The following NGEF variants were observed in gnomAD, a reference collection of about 807,000 sequenced individuals.
NGEF encodes the protein neuronal guanine nucleotide exchange factor, also known as ephexin-1.
NGEF carries 31 observed loss-of-function variants against 80.9 expected under a neutral mutation model. The ratio of observed to expected loss-of-function variants is 0.38; its 90% CI spans 0.29 to 0.52. The LOEUF is 0.52. NGEF is among the 20% of genes least tolerant of loss of function. NGEF has a pLI of 0.84. For missense variants in NGEF, 709 were observed against 926.2 expected (o/e 0.77, Z 3.04); for synonymous variants, 371 against 370.2 (o/e 1.00, Z -0.03).
chr2:232,896,104 G>A (rs957354364), intron 5 of NGEF, among the ~76,000 whole-genome samples: 1 of 152,162 alleles, frequency 6.6e-6, no homozygotes, highest in African/African-American at 2.4e-5. Context: ...ACAGCAGAGT[G>A]GGTTGAACTG....
intron 1 of NGEF, among the ~76,000 whole-genome samples, chr2:232,978,374 G>C (rs897052856): frequency 2.0e-5 from 3 of 151,956 alleles, no homozygotes; most frequent in Non-Finnish European, 4.4e-5. Context: ...TATTAGCTGG[G>C]CGTGGTGGTG....
At chr2:232,903,667 C>T (rs1048388742) in intron 5 of NGEF, among the ~76,000 whole-genome samples, 20 of 152,166 alleles carry the variant, frequency 1.3e-4, no homozygotes, top group African/African-American at 3.9e-4. Flanking sequence ...GCCTAGCTGA[C>T]GTTTTAGGTA....
chr2:232,996,132 A>G (rs1003921156), intron 1 of NGEF, among the ~76,000 whole-genome samples: 3 of 152,184 alleles, frequency 2.0e-5, no homozygotes, highest in African/African-American at 7.2e-5. Context: ...GACCAATTCC[A>G]GCCTGGCCAA....
intron 1 of NGEF, among the ~76,000 whole-genome samples, chr2:232,979,806 G>A (rs1694371874): frequency 6.6e-6 from 1 of 151,428 alleles, no homozygotes; most frequent in South Asian, 2.1e-4. Context: ...GTCTGTTTGG[G>A]TCTCTGTTGT....
At chr2:233,007,402 G>A (rs1296200725) in intron 1 of NGEF, among the ~76,000 whole-genome samples, 1 of 152,174 alleles carries the variant, frequency 6.6e-6, no homozygotes, top group African/African-American at 2.4e-5. Context: ...CCAGGTAGCC[G>A]CCAGGTAGCT....
At chr2:232,984,638 G>A (rs533825857) in intron 1 of NGEF, among the ~76,000 whole-genome samples, 4 of 152,266 alleles carry the variant, frequency 2.6e-5, no homozygotes, top group Non-Finnish European at 5.9e-5. Flanking sequence ...TGCATGAACT[G>A]CAGCAAGCGA....
At chr2:232,985,863 T>C (rs1191804796) in intron 1 of NGEF, among the ~76,000 whole-genome samples, 2 of 150,428 alleles carry the variant, frequency 1.3e-5, no homozygotes, top group Non-Finnish European at 3.0e-5. Flanking sequence ...CACTTGAATC[T>C]GGGAAGCAGA....
chr2:232,882,827 C>G (rs986193112), intron 12 of NGEF, among the ~76,000 whole-genome samples: 4 of 152,230 alleles, frequency 2.6e-5, no homozygotes, highest in Non-Finnish European at 5.9e-5. Context: ...TCAAGGCCTG[C>G]AAAGCATCTC....
At chr2:232,988,991 A>G (rs895334666) in intron 1 of NGEF, among the ~76,000 whole-genome samples, 1 of 152,310 alleles carries the variant, frequency 6.6e-6, no homozygotes, top group Non-Finnish European at 1.5e-5. Flanking sequence ...TTCTGGAAGG[A>G]GTTACAAGAA....
At chr2:232,882,093 G>T in intron 13 of NGEF, 93 bp downstream of exon 13, 1 of 1,166,396 alleles carries the variant, frequency 8.6e-7, no homozygotes, top group Non-Finnish European at 1.3e-6. Context: ...CTCAGGGAGG[G>T]CTTCCCTCCA....
chr2:232,958,701 T>G (rs1218136956), intron 3 of NGEF, among the ~76,000 whole-genome samples: 1 of 152,186 alleles, frequency 6.6e-6, no homozygotes, highest in African/African-American at 2.4e-5. Flanking sequence ...CTCCTGTCTT[T>G]TTGTATTTTA....
rs138160251 is a variant in NGEF, at chr2:232,936,235, T to A, written c.384-9049A>T. Among the ~76,000 whole-genome samples the A allele has an allele frequency of 5.2e-3, 795 of 152,302 alleles. 6 individuals are homozygous for A. The highest frequency in any genetic ancestry group is 0.018 in the African/African-American group (741 of 41,556). ...GGCTGGAAGTATTTTACCGGTGAGG[T>A]GGAGGTGGAGATTTTTCCTTACTTT... On this transcript the variant is annotated intron_variant, in intron 3 of 14. Coordinates refer to ENST00000264051, the MANE Select transcript of NGEF (RefSeq NM_019850.3).
intron 5 of NGEF, among the ~76,000 whole-genome samples, chr2:232,898,036 C>A (rs765958308): frequency 3.3e-5 from 5 of 149,684 alleles, no homozygotes; most frequent in Non-Finnish European, 7.4e-5. Flanking sequence ...CAGTGTCCAC[C>A]GACACAAAAG....
rs1395830466 is a variant in NGEF at position 232,944,740 on chromosome 2, T to TATAC, written c.384-17555_384-17554insGTAT. Among the ~76,000 whole-genome samples the TATAC allele has an allele frequency of 3.3e-5, 2 of 60,232 alleles. 1 individual carries two copies. Among genetic ancestry groups the TATAC allele is most frequent in the East Asian group, 1.1e-3 (2 of 1,896 alleles). The allele number at this position is 60,232 out of a possible 152,430, so 39.5% of individuals were successfully genotyped here. ...AGACTTTTCCGAATATATATATATATATATATATATATATATATATATCTT... is the reference window on the plus strand; with the variant it reads ...AGACTTTTCCGAATATATATATATATATACATATATATATATATATATATATCTT... On this transcript the variant is annotated intron_variant, in intron 3 of 14. Coordinates refer to ENST00000264051, the MANE Select transcript of NGEF (RefSeq NM_019850.3).
chr2:232,904,484 C>T (rs1398316274), intron 5 of NGEF, among the ~76,000 whole-genome samples: 1 of 152,216 alleles, frequency 6.6e-6, no homozygotes, highest in Non-Finnish European at 1.5e-5. Flanking sequence ...CTGCTTTGGT[C>T]TCCCAAAGTG....
At chr2:232,948,639 T>C (rs1199233677) in intron 3 of NGEF, among the ~76,000 whole-genome samples, 1 of 152,178 alleles carries the variant, frequency 6.6e-6, no homozygotes, top group Non-Finnish European at 1.5e-5. Flanking sequence ...TTCTGCATGT[T>C]TAAAATTTTT....
chr2:232,932,158 C>CT (rs1559213766), intron 3 of NGEF, among the ~76,000 whole-genome samples: 1 of 118,762 alleles, frequency 8.4e-6, no homozygotes, highest in Non-Finnish European at 1.7e-5. Context: ...TCCAGAATCA[C>CT]CTTTCTTTTT....
At chr2:232,959,285 G>A (rs896442204) in intron 3 of NGEF, among the ~76,000 whole-genome samples, 7 of 98,454 alleles carry the variant, frequency 7.1e-5, no homozygotes, top group African/African-American at 1.1e-4. Flanking sequence ...GGTGTTTCCT[G>A]TAAATTCCTG....
intron 2 of NGEF, 90 bp from the exon 3 acceptor site, chr2:232,970,418 C>G: frequency 1.2e-6 from 1 of 843,766 alleles, no homozygotes; most frequent in Non-Finnish European, 1.9e-6. Flanking sequence ...TAGCAGCAGT[C>G]ATGCTGGAAG....
Sources: gnomAD v4.1 joint callset for allele counts (sites outside exome capture counted in the v4.1 genomes callset) on GRCh38, gnomAD v4.1.1 for gene constraint, MANE v1.5 for transcripts, NCBI Gene and HGNC (gene_info 2026-07-23, HGNC 2026-07-21) for gene names.